LRP1B: variants seen among roughly 807,000 people sequenced by gnomAD.
LRP1B encodes low-density lipoprotein receptor-related protein 1B.
Under a neutral mutation model 556.6 loss-of-function variants are expected in LRP1B, and 217 were observed. That is an observed-to-expected ratio of 0.39 (90% CI 0.35 to 0.44). The LOEUF is 0.44. Ranked by LOEUF, LRP1B falls within the 20% of genes least tolerant of loss-of-function variation. LRP1B has a pLI of 1.00. For synonymous variants in LRP1B, 2,047 were observed against 1,865.8 expected (o/e 1.10, Z -2.50); for missense variants, 5,053 against 5,620.8 (o/e 0.90, Z 3.23).
intron 3 of LRP1B, among the ~76,000 whole-genome samples, chr2:141,299,248 T>C (rs1358110007): frequency 6.6e-6 from 1 of 152,136 alleles, no homozygotes; most frequent in African/African-American, 2.4e-5. Context: ...CAGACAAATA[T>C]ATGTTTTACC....
chr2:142,115,705 TAA>T (rs1491494637), intron 1 of LRP1B, among the ~76,000 whole-genome samples: 849 of 19,946 alleles, frequency 0.043, 355 homozygotes, highest in African/African-American at 0.1. Flanking sequence ...AATATATATA[TAA>T]TATATATGTA....
intron 3 of LRP1B, among the ~76,000 whole-genome samples, chr2:141,394,801 G>A (rs1690180723): frequency 6.6e-6 from 1 of 152,054 alleles, no homozygotes; most frequent in Non-Finnish European, 1.5e-5. Context: ...ATTCTTCCTA[G>A]TGTTTTAGAA....
In LRP1B at chr2:140,329,529, T is replaced by TA. The variant is rs563888466; in HGVS notation, c.12224-3652dup. On this transcript the variant is annotated intron_variant, in intron 79 of 90. Transcript: ENST00000389484. ...TCAGCTCAAAAGCTTCTTAAGTTGA[T>TA]AAGCAATTTCAGGAAAGTCTTAGGA... 4.1e-4 allele frequency among the ~76,000 whole-genome samples: 63 copies of TA among 152,198 alleles called. 1 individual carries two copies. The highest frequency in any genetic ancestry group is 6.8e-3 in the Middle Eastern group (2 of 294).
In LRP1B at chr2:140,485,342, C is replaced by G. The variant is rs2105362440; in HGVS notation, c.9425+1G>C. 1 of 1,605,786 alleles carries G rather than the reference C, an allele frequency of 6.2e-7. No homozygotes were observed. The highest frequency in any genetic ancestry group is 8.5e-7 in the Non-Finnish European group (1 of 1,176,988). ...TAAGATTTTTAACAGTTTTTACAAA[C>G]CCAGCTTGAGGATCTAAAGACAAGT... On this transcript the variant is annotated splice_donor_variant, in intron 59 of 90. Transcript: ENST00000389484. LOFTEE classifies it high-confidence loss of function.
At chr2:140,664,845 T>TA (rs561311903) in intron 41 of LRP1B, among the ~76,000 whole-genome samples, 6 of 151,896 alleles carry the variant, frequency 4.0e-5, no homozygotes, top group Non-Finnish European at 7.4e-5. Context: ...AAAAACATTA[T>TA]AAAAAAAATT....
At chr2:140,628,384 T>C (rs1053839791) in intron 41 of LRP1B, among the ~76,000 whole-genome samples, 21 of 151,068 alleles carry the variant, frequency 1.4e-4, no homozygotes, top group Non-Finnish European at 2.8e-4. Context: ...ACAAAAAAAA[T>C]AAATTAGCCG....
intron 2 of LRP1B, among the ~76,000 whole-genome samples, chr2:141,804,053 T>C (rs1276579436): frequency 6.6e-6 from 1 of 152,116 alleles, no homozygotes; most frequent in Non-Finnish European, 1.5e-5. Flanking sequence ...GTTCTTTTTA[T>C]TGCATTGTTC....
At chr2:140,702,111 G>A (rs2105427880) in intron 39 of LRP1B, 30 bp downstream of exon 39, 1 of 1,604,194 alleles carries the variant, frequency 6.2e-7, no homozygotes, top group Non-Finnish European at 8.5e-7. Flanking sequence ...AACATTTTGA[G>A]ACTCAAATAC....
intron 86 of LRP1B, among the ~76,000 whole-genome samples, chr2:140,256,167 G>C (rs868735422): frequency 6.6e-6 from 1 of 152,094 alleles, no homozygotes; most frequent in African/African-American, 2.4e-5. Context: ...GTGCTAGTAT[G>C]GATGACACAA....
At chr2:140,337,534 C>A (rs1681162145) in intron 77 of LRP1B, among the ~76,000 whole-genome samples, 1 of 151,662 alleles carries the variant, frequency 6.6e-6, no homozygotes, top group Non-Finnish European at 1.5e-5. Context: ...AATATATCAC[C>A]AAATGTCATG....
At chr2:142,046,515 A>G (rs1317652475) in intron 1 of LRP1B, among the ~76,000 whole-genome samples, 1 of 151,986 alleles carries the variant, frequency 6.6e-6, no homozygotes, top group Non-Finnish European at 1.5e-5. Context: ...TCCACAGTAA[A>G]TGAAACTAAG....
At chr2:140,735,306 T>C (rs914983987) in intron 35 of LRP1B, among the ~76,000 whole-genome samples, 8 of 152,192 alleles carry the variant, frequency 5.3e-5, no homozygotes, top group Non-Finnish European at 1.2e-4. Flanking sequence ...CAGAGTGGGA[T>C]GATTACTGCT....
At chr2:140,995,393 T>C (rs1483861357) in intron 15 of LRP1B, among the ~76,000 whole-genome samples, 1 of 152,068 alleles carries the variant, frequency 6.6e-6, no homozygotes, top group East Asian at 1.9e-4. Context: ...GCAAGATGTA[T>C]TTGATTTGAC....
At chr2:141,696,155 C>T (rs1208346490) in intron 2 of LRP1B, among the ~76,000 whole-genome samples, 1 of 151,896 alleles carries the variant, frequency 6.6e-6, no homozygotes, top group Non-Finnish European at 1.5e-5. Flanking sequence ...TATCATTTTG[C>T]ATTTTTAGCA....
chr2:141,858,675 A>C (rs1367312907), intron 1 of LRP1B, among the ~76,000 whole-genome samples: 1 of 152,146 alleles, frequency 6.6e-6, no homozygotes, highest in Non-Finnish European at 1.5e-5. Context: ...CAACAATACT[A>C]AATACACAAT....
At chr2:140,826,239 G>C (rs1162267307) in intron 31 of LRP1B, among the ~76,000 whole-genome samples, 3 of 152,036 alleles carry the variant, frequency 2.0e-5, no homozygotes, top group African/African-American at 7.3e-5. Context: ...ATAACATTTT[G>C]GTATAACATT....
chr2:141,724,264 AAAT>A (rs1692947661), intron 2 of LRP1B, among the ~76,000 whole-genome samples: 1 of 151,934 alleles, frequency 6.6e-6, no homozygotes, highest in Admixed American at 6.6e-5. Flanking sequence ...GTTGGTGATA[AAAT>A]TACCTCATCT....
chr2:141,184,658 C>T (rs1390340572), intron 7 of LRP1B, among the ~76,000 whole-genome samples: 2 of 150,352 alleles, frequency 1.3e-5, no homozygotes, highest in Non-Finnish European at 3.0e-5. Context: ...CTAATAGCTC[C>T]TATGTCACGT....
At chr2:142,118,347 T>G (rs1170911440) in intron 1 of LRP1B, among the ~76,000 whole-genome samples, 4 of 152,158 alleles carry the variant, frequency 2.6e-5, no homozygotes, top group African/African-American at 9.7e-5. Flanking sequence ...CTCTGAAAGT[T>G]TATTTTTTAC....
Sources: allele counts gnomAD v4.1 joint callset (sites outside exome capture counted in the v4.1 genomes callset), GRCh38; gene constraint gnomAD v4.1.1; transcripts MANE v1.5; gene names NCBI Gene and HGNC (gene_info 2026-07-23, HGNC 2026-07-21).